NEDD4L: variants seen among roughly 807,000 people sequenced by gnomAD.
NEDD4L encodes E3 ubiquitin-protein ligase NEDD4-like.
In NEDD4L, 54 loss-of-function variants were observed where a neutral mutation model predicts 148.9. The observed-to-expected ratio is 0.36, with a 90% CI of 0.29 to 0.45. The LOEUF (loss-of-function observed/expected upper bound fraction) is 0.45. Among genes scored for constraint, NEDD4L ranks in the 20% least tolerant of loss-of-function variants. The pLI is 1.00. For missense variants in NEDD4L, 856 were observed against 1,233.8 expected (o/e 0.69, Z 4.59); for synonymous variants, 433 against 440.7 (o/e 0.98, Z 0.22).
intron 1 of NEDD4L, among the ~76,000 whole-genome samples, chr18:58,054,238 C>T (rs2082000514): frequency 6.6e-6 from 1 of 152,190 alleles, no homozygotes; most frequent in African/African-American, 2.4e-5. Context: ...GTGACAGGCT[C>T]CACAAACTTA....
intron 2 of NEDD4L, among the ~76,000 whole-genome samples, chr18:58,196,115 A>G (rs2040658691): frequency 6.6e-6 from 1 of 152,186 alleles, no homozygotes; most frequent in South Asian, 2.1e-4. Flanking sequence ...ACTGTAAAGG[A>G]ATCTGTCATG....
chr18:58,229,839 A>C (rs1432759834), intron 2 of NEDD4L, among the ~76,000 whole-genome samples: 1 of 151,904 alleles, frequency 6.6e-6, no homozygotes, highest in Non-Finnish European at 1.5e-5. Flanking sequence ...AAAATACAAA[A>C]ATTAGCTGGG....
At chr18:58,130,611 C>G (rs952868161) in intron 1 of NEDD4L, among the ~76,000 whole-genome samples, 10 of 145,084 alleles carry the variant, frequency 6.9e-5, no homozygotes, top group Non-Finnish European at 1.5e-4. Context: ...TGACTGTGAT[C>G]TAGCAGAACT....
chr18:58,222,750 G>A (rs58534706), intron 2 of NEDD4L, among the ~76,000 whole-genome samples: 8,270 of 152,262 alleles, frequency 0.054, 719 homozygotes, highest in African/African-American at 0.19. Flanking sequence ...CAATAAAAAT[G>A]TATCAACAAT....
intron 2 of NEDD4L, among the ~76,000 whole-genome samples, chr18:58,198,302 C>A (rs2147339535): frequency 6.6e-6 from 1 of 152,264 alleles, no homozygotes. Flanking sequence ...TCAGATTTCC[C>A]TTGAGAACTG....
At chr18:58,072,245 A>T (rs1049467132) in intron 1 of NEDD4L, among the ~76,000 whole-genome samples, 1 of 152,232 alleles carries the variant, frequency 6.6e-6, no homozygotes, top group Non-Finnish European at 1.5e-5. Flanking sequence ...AATTAACCTG[A>T]TACCAAACTA....
In NEDD4L at chr18:58,044,658, T is replaced by C; in HGVS notation, c.-3T>C. On this transcript the variant is annotated 5_prime_UTR_variant, in exon 1 of 31. Transcript: ENST00000400345. ...CTCAGACCCCGCGCGGGGCGCCGGCTCCATGGCGACCGGGCTCGGGGAGCC... is the reference window on the plus strand; with the variant it reads ...CTCAGACCCCGCGCGGGGCGCCGGCCCCATGGCGACCGGGCTCGGGGAGCC... 6.2e-7 allele frequency: 1 copy of C among 1,601,014 alleles called. No homozygotes were observed. Among genetic ancestry groups the C allele is most frequent in the South Asian group, 1.1e-5 (1 of 89,634 alleles).
chr18:58,165,967 C>A, intron 2 of NEDD4L, 106 bp downstream of exon 2: 2 of 885,730 alleles, frequency 2.3e-6, no homozygotes, highest in Non-Finnish European at 3.6e-6. Context: ...TAAGACAAAG[C>A]TGGCTGGGCC....
chr18:58,070,275 A>ATTTG (rs2082799411), intron 1 of NEDD4L, among the ~76,000 whole-genome samples: 1 of 151,498 alleles, frequency 6.6e-6, no homozygotes, highest in Non-Finnish European at 1.5e-5. Flanking sequence ...TTATTTATTT[A>ATTTG]TTTTTTTGAG....
chr18:58,267,917 C>T (rs908267957), intron 5 of NEDD4L, among the ~76,000 whole-genome samples: 29 of 152,026 alleles, frequency 1.9e-4, no homozygotes, highest in Non-Finnish European at 1.2e-4. Context: ...CCTTCAGAAG[C>T]GTTTTCCAGG....
chr18:58,254,472 A>G (rs771544955), intron 5 of NEDD4L, among the ~76,000 whole-genome samples: 155 of 150,768 alleles, frequency 1.0e-3, no homozygotes, highest in Non-Finnish European at 2.1e-3. Context: ...TTTGTGTCCC[A>G]ACTGTGGTAA....
intron 5 of NEDD4L, among the ~76,000 whole-genome samples, chr18:58,294,272 A>T (rs2055211690): frequency 1.3e-5 from 2 of 152,138 alleles, no homozygotes; most frequent in Admixed American, 1.3e-4. Context: ...TTCGCACTTG[A>T]TGGTGGGATT....
intron 2 of NEDD4L, among the ~76,000 whole-genome samples, chr18:58,193,137 A>G (rs2040297469): frequency 6.6e-6 from 1 of 152,176 alleles, no homozygotes; most frequent in African/African-American, 2.4e-5. Flanking sequence ...TTTAGGAGCT[A>G]TTTCTTTGGA....
chr18:58,202,674 C>T (rs2041549215), intron 2 of NEDD4L, among the ~76,000 whole-genome samples: 1 of 152,220 alleles, frequency 6.6e-6, no homozygotes, highest in Non-Finnish European at 1.5e-5. Context: ...AGACTTGATC[C>T]TTTGGGTGGT....
At chr18:58,234,598 G>A (rs975884265) in intron 2 of NEDD4L, among the ~76,000 whole-genome samples, 1 of 152,006 alleles carries the variant, frequency 6.6e-6, no homozygotes, top group Non-Finnish European at 1.5e-5. Context: ...GCCTCCCAAA[G>A]GGGCGAGATT....
At chr18:58,218,066 C>G (rs2043333272) in intron 2 of NEDD4L, among the ~76,000 whole-genome samples, 1 of 152,156 alleles carries the variant, frequency 6.6e-6, no homozygotes, top group African/African-American at 2.4e-5. Flanking sequence ...CTTTGGAATA[C>G]TATGAAATTC....
At chr18:58,373,386 G>C in intron 24 of NEDD4L, 117 bp downstream of exon 24, 1 of 660,194 alleles carries the variant, frequency 1.5e-6, no homozygotes, top group East Asian at 2.8e-5. Flanking sequence ...AGCTGCAGGT[G>C]TTAATTTTCA....
chr18:58,186,350 C>T (rs1352576048), intron 2 of NEDD4L, among the ~76,000 whole-genome samples: 7 of 152,208 alleles, frequency 4.6e-5, no homozygotes, highest in East Asian at 3.9e-4. Flanking sequence ...GCAGAGCTTA[C>T]GGCCTGTATT....
intron 2 of NEDD4L, among the ~76,000 whole-genome samples, chr18:58,211,448 T>C (rs943294867): frequency 6.6e-6 from 1 of 152,168 alleles, no homozygotes; most frequent in African/African-American, 2.4e-5. Flanking sequence ...GCAGATAACC[T>C]AGGAAGACAT....
Sources: allele counts gnomAD v4.1 joint callset (sites outside exome capture counted in the v4.1 genomes callset), GRCh38; gene constraint gnomAD v4.1.1; transcripts MANE v1.5; gene names NCBI Gene and HGNC (gene_info 2026-07-23, HGNC 2026-07-21).